The following SLC25A13 variants were observed in gnomAD, a reference collection of about 807,000 sequenced individuals.
SLC25A13 encodes the protein solute carrier family 25 member 13.
A neutral mutation model predicts 85.5 loss-of-function variants in SLC25A13; 70 were observed. The ratio of observed to expected loss-of-function variants is 0.82; its 90% confidence interval spans 0.68 to 1.00. The LOEUF (loss-of-function observed/expected upper bound fraction) is 1.00. Among genes scored for constraint, SLC25A13 ranks in the 50% least tolerant of loss-of-function variants. SLC25A13 has a pLI of 0.00. For synonymous variants in SLC25A13, 259 were observed against 288.7 expected, an observed-to-expected ratio of 0.90 and a Z score of 1.04; for missense variants, 765 against 819.8, an observed-to-expected ratio of 0.93 and a Z score of 0.82.
At chr7:96,291,154 C>T (rs1375020237) in intron 2 of SLC25A13, among the ~76,000 whole-genome samples, 1 of 152,192 alleles carries the variant, frequency 6.6e-6, no homozygotes, top group Non-Finnish European at 1.5e-5. Flanking sequence ...TACATGGAAA[C>T]TGAACAACCT....
In SLC25A13 at chr7:96,121,173, A is replaced by T; in HGVS notation, c.*18T>A. 6.2e-7 allele frequency: 1 copy of T among 1,613,648 alleles called. No homozygotes were observed. Among genetic ancestry groups the T allele is most frequent in the Non-Finnish European group, 8.5e-7 (1 of 1,179,526 alleles). ...GCAGTACCCACAAAAAGACAGCACT[A>T]TCCCAGGGCTGATCTTCCTATGGGC... is the stretch of plus-strand genomic sequence containing the variant. On this transcript the variant is annotated 3_prime_UTR_variant, in exon 18 of 18. Coordinates refer to ENST00000265631, the MANE Select transcript of SLC25A13 (RefSeq NM_014251.3).
intron 4 of SLC25A13, among the ~76,000 whole-genome samples, chr7:96,223,654 G>A (rs1353897434): frequency 6.6e-6 from 1 of 152,092 alleles, no homozygotes; most frequent in African/African-American, 2.4e-5. Flanking sequence ...TGGGCGTGGC[G>A]ATGTGCGCCT....
At chr7:96,261,565 G>A (rs1167565606) in intron 3 of SLC25A13, among the ~76,000 whole-genome samples, 1 of 152,126 alleles carries the variant, frequency 6.6e-6, no homozygotes, top group Non-Finnish European at 1.5e-5. Flanking sequence ...CAGATTGCAA[G>A]AGAAGTCTTA....
At chr7:96,249,815 G>A (rs1797340376) in intron 3 of SLC25A13, among the ~76,000 whole-genome samples, 1 of 143,900 alleles carries the variant, frequency 6.9e-6, no homozygotes, top group African/African-American at 2.6e-5. Flanking sequence ...TTGCAGAAAA[G>A]CAACATCAAT....
intron 9 of SLC25A13, among the ~76,000 whole-genome samples, chr7:96,186,643 T>C (rs1027393887): frequency 6.6e-6 from 1 of 152,136 alleles, no homozygotes; most frequent in African/African-American, 2.4e-5. Flanking sequence ...AACAAAACCC[T>C]ATCATTCAAA....
chr7:96,146,184 G>A (rs1203817233), intron 14 of SLC25A13, among the ~76,000 whole-genome samples: 2 of 152,020 alleles, frequency 1.3e-5, no homozygotes, highest in East Asian at 1.9e-4. Flanking sequence ...AACATGGATC[G>A]GACCATATGC....
At chr7:96,167,704 A>G (rs1793811404) in intron 13 of SLC25A13, among the ~76,000 whole-genome samples, 1 of 152,224 alleles carries the variant, frequency 6.6e-6, no homozygotes, top group Non-Finnish European at 1.5e-5. Context: ...AATAGGACAG[A>G]TGAGGCTGTG....
chr7:96,272,746 G>A (rs1448868242), intron 3 of SLC25A13, among the ~76,000 whole-genome samples: 3 of 152,106 alleles, frequency 2.0e-5, no homozygotes, highest in Non-Finnish European at 4.4e-5. Context: ...AATTTATGTT[G>A]ATAAAAAAGA....
At chr7:96,168,438 T>A (rs112584856) in intron 13 of SLC25A13, among the ~76,000 whole-genome samples, 1,551 of 152,206 alleles carry the variant, frequency 0.01, 26 homozygotes, top group African/African-American at 0.036. Context: ...AAGGGCTACA[T>A]CTCTTTACAT....
At position 96,150,378 on chromosome 7, in the gene SLC25A13, T is replaced by C. The variant is rs1354032736; in HGVS notation, c.1312-3682A>G. On this transcript the variant is annotated intron_variant, in intron 13 of 17. Transcript: ENST00000265631. ...ACATCTATTATGGGGTATTAAGGTG[T>C]TGCTTTGCATATATTACATATTTTC... 2.6e-5 allele frequency among the ~76,000 whole-genome samples: 4 copies of C among 152,120 alleles called. No individual in the cohort carries two copies. In the East Asian group the frequency reaches 7.7e-4, roughly 29 times the overall value.
intron 1 of SLC25A13, among the ~76,000 whole-genome samples, chr7:96,302,604 G>C (rs1799591767): frequency 6.6e-6 from 1 of 152,172 alleles, no homozygotes; most frequent in Admixed American, 6.5e-5. Flanking sequence ...ATCTCTGTGA[G>C]GGCACCTTAC....
At chr7:96,297,966 G>A (rs1175338840) in intron 1 of SLC25A13, among the ~76,000 whole-genome samples, 1 of 152,126 alleles carries the variant, frequency 6.6e-6, no homozygotes, top group Non-Finnish European at 1.5e-5. Flanking sequence ...CTTCAACATG[G>A]CTTCCTCAGG....
intron 4 of SLC25A13, among the ~76,000 whole-genome samples, chr7:96,212,880 A>C (rs1795758000): frequency 6.6e-6 from 1 of 152,164 alleles, no homozygotes; most frequent in South Asian, 2.1e-4. Flanking sequence ...ATTTCTACGA[A>C]ATTTACTTTT....
At chr7:96,279,717 A>G (rs1324576285) in intron 2 of SLC25A13, among the ~76,000 whole-genome samples, 1 of 152,222 alleles carries the variant, frequency 6.6e-6, no homozygotes, top group Non-Finnish European at 1.5e-5. Context: ...TCAAGACTAA[A>G]TATCAGAGAG....
chr7:96,215,911 T>G (rs900574702), intron 4 of SLC25A13, among the ~76,000 whole-genome samples: 12 of 151,980 alleles, frequency 7.9e-5, no homozygotes, highest in African/African-American at 2.7e-4. Context: ...TCCCAGCACT[T>G]TGGGAGGCCG....
intron 2 of SLC25A13, among the ~76,000 whole-genome samples, chr7:96,283,046 C>T (rs541090490): frequency 7.9e-5 from 12 of 152,252 alleles, no homozygotes; most frequent in South Asian, 4.1e-4. Flanking sequence ...TCATGAGAGG[C>T]AGTCTACCAA....
chr7:96,125,509 A>C (rs989028380), intron 15 of SLC25A13, among the ~76,000 whole-genome samples: 3 of 152,220 alleles, frequency 2.0e-5, no homozygotes, highest in Non-Finnish European at 4.4e-5. Flanking sequence ...TAGTGTGCCC[A>C]GGAACATAAT....
intron 1 of SLC25A13, among the ~76,000 whole-genome samples, chr7:96,314,236 G>A (rs888129947): frequency 6.6e-6 from 1 of 151,698 alleles, no homozygotes; most frequent in Non-Finnish European, 1.5e-5. Flanking sequence ...AATGAGAGGG[G>A]ACATCATGAA....
chr7:96,240,149 A>G (rs1796914527), intron 3 of SLC25A13, among the ~76,000 whole-genome samples: 1 of 135,702 alleles, frequency 7.4e-6, no homozygotes, highest in African/African-American at 2.8e-5. Flanking sequence ...TAGAGAATAC[A>G]GACTAAAAAT....
Sources: allele counts gnomAD v4.1 joint callset (sites outside exome capture counted in the v4.1 genomes callset), GRCh38; gene constraint gnomAD v4.1.1; transcripts MANE v1.5; gene names NCBI Gene and HGNC (gene_info 2026-07-23, HGNC 2026-07-21).